RARB: variants seen among roughly 807,000 people sequenced by gnomAD.
The protein encoded by RARB is HBV-activated protein.
In RARB, 17 loss-of-function variants were observed where a neutral mutation model predicts 51.9. That is an observed-to-expected ratio of 0.33 (90% CI 0.22 to 0.49). The LOEUF is 0.49. Ranked by LOEUF, RARB falls within the 20% of genes least tolerant of loss-of-function variation. The pLI, the probability that RARB is intolerant of heterozygous loss-of-function variation, is 0.99. For synonymous variants in RARB, 215 were observed against 195.4 expected, an observed-to-expected ratio of 1.10 and a Z score of -0.84; for missense variants, 369 against 550.8, an observed-to-expected ratio of 0.67 and a Z score of 3.30.
chr3:24,998,760 T>A (rs1355873978), intron 2 of RARB, among the ~76,000 whole-genome samples: 1 of 152,158 alleles, frequency 6.6e-6, no homozygotes, highest in Non-Finnish European at 1.5e-5. Context: ...TTCTTAAACT[T>A]CTTTGAAGTC....
intron 2 of RARB, among the ~76,000 whole-genome samples, chr3:24,968,478 C>T (rs921904428): frequency 6.6e-6 from 1 of 152,110 alleles, no homozygotes; most frequent in Non-Finnish European, 1.5e-5. Context: ...ATTTATTTAG[C>T]TTATGATTCT....
intron 5 of RARB, among the ~76,000 whole-genome samples, chr3:25,302,445 C>T (rs905828039): frequency 4.6e-5 from 7 of 152,064 alleles, no homozygotes; most frequent in Admixed American, 2.0e-4. Context: ...AATGAAGTGC[C>T]GATACATGTT....
chr3:25,297,718 T>C (rs1223047230), intron 5 of RARB, among the ~76,000 whole-genome samples: 1 of 152,138 alleles, frequency 6.6e-6, no homozygotes, highest in East Asian at 1.9e-4. Context: ...TCCCATTTTT[T>C]CCCCTCATTC....
intron 5 of RARB, among the ~76,000 whole-genome samples, chr3:25,370,224 T>G (rs1027619805): frequency 2.6e-5 from 4 of 152,228 alleles, no homozygotes; most frequent in Non-Finnish European, 5.9e-5. Flanking sequence ...GCACTTTACC[T>G]TTATAATTTT....
intron 5 of RARB, among the ~76,000 whole-genome samples, chr3:25,316,824 G>T (rs143915383): frequency 2.0e-5 from 3 of 152,104 alleles, no homozygotes; most frequent in Non-Finnish European, 4.4e-5. Flanking sequence ...AAATGGAACC[G>T]ATGACTATAA....
intron 5 of RARB, among the ~76,000 whole-genome samples, chr3:25,582,797 T>G (rs1701231705): frequency 6.6e-6 from 1 of 152,206 alleles, no homozygotes; most frequent in South Asian, 2.1e-4. Context: ...AACCAATTTT[T>G]GTGACCTTGG....
At chr3:25,073,130 C>T (rs1470049997) in intron 3 of RARB, among the ~76,000 whole-genome samples, 1 of 152,128 alleles carries the variant, frequency 6.6e-6, no homozygotes, top group Non-Finnish European at 1.5e-5. Flanking sequence ...CAAATATCTA[C>T]AGAAGCCAGG....
intron 5 of RARB, among the ~76,000 whole-genome samples, chr3:25,205,623 C>G (rs7653740): frequency 0.011 from 1,653 of 152,278 alleles, 34 homozygotes; most frequent in African/African-American, 0.038. Context: ...GATGGACTCC[C>G]CATTTACCCT....
intron 3 of RARB, among the ~76,000 whole-genome samples, chr3:25,084,886 C>A (rs551565309): frequency 6.6e-6 from 1 of 151,914 alleles, no homozygotes; most frequent in African/African-American, 2.4e-5. Context: ...CTTGTATAAA[C>A]CCTACCATAA....
rs112076747 is a variant in RARB at position 25,277,910 on chromosome 3, C to T, written c.178+103335C>T. Among the ~76,000 whole-genome samples the T allele has an allele frequency of 2.4e-3, 373 of 152,290 alleles. 2 individuals are homozygous for T. Among genetic ancestry groups the T allele is most frequent in the African/African-American group, 8.5e-3 (355 of 41,562 alleles). On this transcript the variant is annotated intron_variant, in intron 5 of 11. Coordinates refer to the RARB transcript ENST00000383772. ...CTACTCTCCCATAAACATGACAACT[C>T]CTGACTTCTGACAGGCTGCTTTTCT...
chr3:25,386,494 G>A (rs17016356), intron 5 of RARB, among the ~76,000 whole-genome samples: 60 of 152,302 alleles, frequency 3.9e-4, no homozygotes, highest in African/African-American at 1.4e-3. Context: ...TTTTCTGGCT[G>A]CAGGGCAAAG....
chr3:24,869,899 G>A (rs1228940610), intron 2 of RARB, among the ~76,000 whole-genome samples: 2 of 151,918 alleles, frequency 1.3e-5, no homozygotes, highest in South Asian at 2.1e-4. Context: ...TGTTTTATAC[G>A]TTCATCAGCC....
At chr3:25,181,748 G>A (rs1046886909) in intron 5 of RARB, among the ~76,000 whole-genome samples, 1 of 152,014 alleles carries the variant, frequency 6.6e-6, no homozygotes, top group African/African-American at 2.4e-5. Flanking sequence ...AATTATTTAG[G>A]ATTTTAATTG....
rs138885198 is a variant in RARB, at chr3:25,595,941, C to T, written c.1151-479C>T. Among the ~76,000 whole-genome samples, 94 of 152,286 alleles carry T rather than the reference C, an allele frequency of 6.2e-4. 1 individual carries two copies. The East Asian group carries it at 0.017, about 28-fold the overall frequency. ...ACTAAGACATCATATTTAAACGTCACCATATCTCAGCTGCTTTTCCACAAA... is the reference window on the plus strand; with the variant it reads ...ACTAAGACATCATATTTAAACGTCATCATATCTCAGCTGCTTTTCCACAAA... On this transcript the variant is annotated intron_variant, in intron 7 of 7. Coordinates refer to ENST00000330688, the MANE Select transcript of RARB (RefSeq NM_000965.5).
chr3:25,227,133 G>C (rs958875089), intron 5 of RARB, among the ~76,000 whole-genome samples: 1 of 152,172 alleles, frequency 6.6e-6, no homozygotes, highest in East Asian at 1.9e-4. Flanking sequence ...TTTAAGAGAT[G>C]TTCTTTGATG....
intron 5 of RARB, among the ~76,000 whole-genome samples, chr3:25,367,839 C>CA (rs1706174335): frequency 1.6e-5 from 2 of 128,228 alleles, no homozygotes; most frequent in Non-Finnish European, 3.4e-5. Context: ...AAAAACAAAA[C>CA]AAAAGAAATA....
At chr3:25,547,081 C>T (rs563430308) in intron 3 of RARB, among the ~76,000 whole-genome samples, 7 of 152,152 alleles carry the variant, frequency 4.6e-5, no homozygotes, top group African/African-American at 1.4e-4. Context: ...AGTTGATACC[C>T]GAAGGCCTCC....
intron 3 of RARB, among the ~76,000 whole-genome samples, chr3:25,106,377 G>T (rs1699499934): frequency 6.8e-6 from 1 of 147,036 alleles, no homozygotes; most frequent in Admixed American, 6.9e-5. Flanking sequence ...TCAGATTCAG[G>T]TGATCCTCCT....
intron 2 of RARB, among the ~76,000 whole-genome samples, chr3:24,944,990 A>C (rs1695743757): frequency 6.6e-6 from 1 of 152,216 alleles, no homozygotes; most frequent in African/African-American, 2.4e-5. Context: ...ATGAAGTGAA[A>C]ATACACGTGT....
Sources: gnomAD v4.1 joint callset for allele counts (sites outside exome capture counted in the v4.1 genomes callset) on GRCh38, gnomAD v4.1.1 for gene constraint, MANE v1.5 for transcripts, NCBI Gene and HGNC (gene_info 2026-07-23, HGNC 2026-07-21) for gene names.